Variants in BRWD1 observed in about 807,000 individuals in gnomAD.
BRWD1 encodes the protein bromodomain and WD repeat-containing protein 1.
BRWD1 carries 82 observed loss-of-function variants against 251.2 expected under a neutral mutation model. That is an observed-to-expected ratio of 0.33 (90% confidence interval 0.27 to 0.39). BRWD1 has a LOEUF of 0.39. Among genes scored for constraint, BRWD1 ranks in the 10% least tolerant of loss-of-function variants. BRWD1 has a pLI of 1.00. For synonymous variants in BRWD1, 918 were observed against 902.8 expected (o/e 1.02, Z -0.30); for missense variants, 2,233 against 2,711.6 (o/e 0.82, Z 3.92).
intron 25 of BRWD1, among the ~76,000 whole-genome samples, chr21:39,229,684 G>A (rs574894991): frequency 1.4e-4 from 21 of 152,142 alleles, no homozygotes; most frequent in African/African-American, 4.1e-4. Flanking sequence ...CACAAATCTC[G>A]GATTAGCGCA....
intron 8 of BRWD1, among the ~76,000 whole-genome samples, chr21:39,291,016 G>A (rs1358207576): frequency 1.3e-5 from 2 of 152,216 alleles, no homozygotes; most frequent in East Asian, 3.9e-4. Flanking sequence ...TGTGGCCCTA[G>A]CTACTCGAGA....
intron 4 of BRWD1, 62 bp downstream of exon 4, chr21:39,312,779 A>C (rs2036536462): frequency 1.4e-6 from 2 of 1,385,150 alleles, no homozygotes; most frequent in East Asian, 2.6e-5. Context: ...CCGCGAGGGG[A>C]AGGGGCGGGG....
chr21:39,241,609 C>T (rs1403135530), intron 21 of BRWD1, among the ~76,000 whole-genome samples: 1 of 148,292 alleles, frequency 6.7e-6, no homozygotes, highest in Non-Finnish European at 1.5e-5. Context: ...AATGTGAAGT[C>T]GTGCATAACA....
rs973565479 is a variant in BRWD1 at position 39,271,768 on chromosome 21, T to C, written c.1245-1335A>G. ...TTTAATTAACAAAGGCTGGGCATGGTAGCTCACACCTATAATCCCAGCACT... is the reference window on the plus strand; with the variant it reads ...TTTAATTAACAAAGGCTGGGCATGGCAGCTCACACCTATAATCCCAGCACT... On this transcript the variant is annotated intron_variant, in intron 13 of 40. Coordinates refer to ENST00000342449, the MANE Select transcript of BRWD1 (RefSeq NM_033656.4). Among the ~76,000 whole-genome samples the C allele has an allele frequency of 2.7e-5, 4 of 149,184 alleles. No individual in the cohort carries two copies. The East Asian group carries it at 7.9e-4, about 30-fold the overall frequency.
At chr21:39,307,428 AATGT>A (rs1180920684) in intron 4 of BRWD1, among the ~76,000 whole-genome samples, 7 of 152,152 alleles carry the variant, frequency 4.6e-5, no homozygotes, top group Non-Finnish European at 1.0e-4. Context: ...TATGAATATC[AATGT>A]ATTATATGTA....
chr21:39,202,292 A>T, intron 38 of BRWD1, 33 bp downstream of exon 38: 1 of 1,540,526 alleles, frequency 6.5e-7, no homozygotes, highest in Non-Finnish European at 8.9e-7. Flanking sequence ...TTGGGTGCTC[A>T]GCAAAGAAAT....
chr21:39,233,259 A>C (rs2033687810), intron 23 of BRWD1, among the ~76,000 whole-genome samples: 1 of 152,192 alleles, frequency 6.6e-6, no homozygotes. Flanking sequence ...CCCAGTCAAC[A>C]TGTTGTAACC....
chr21:39,193,951 T>A lies in BRWD1; in HGVS notation c.*2308A>T, dbSNP rs2031684119. 13 of 985,442 alleles carry A rather than the reference T, an allele frequency of 1.3e-5. No homozygotes were observed. The Admixed American group carries it at 7.4e-4, about 56-fold the overall frequency. The allele number at this position is 985,442 out of a possible 1,614,324, so 61.0% of individuals were successfully genotyped here. On this transcript the variant is annotated 3_prime_UTR_variant, in exon 41 of 41. Coordinates refer to ENST00000342449, the MANE Select transcript of BRWD1 (RefSeq NM_033656.4). ...AAAAAAACCCATAAAAATTATTTTC[T>A]CCATTATCTCTCAGTTTTATTTCAT...
intron 7 of BRWD1, among the ~76,000 whole-genome samples, chr21:39,295,287 C>T (rs13049729): frequency 2.0e-5 from 3 of 149,506 alleles, no homozygotes; most frequent in Admixed American, 6.7e-5. Context: ...CCCAGGTTCA[C>T]GCCATTCTCC....
intron 4 of BRWD1, among the ~76,000 whole-genome samples, chr21:39,302,339 C>T (rs1312254477): frequency 1.3e-5 from 2 of 152,032 alleles, no homozygotes; most frequent in East Asian, 3.9e-4. Flanking sequence ...GAAAAATTAC[C>T]ACAAATAGGT....
At chr21:39,241,345 G>T (rs896709742) in intron 21 of BRWD1, among the ~76,000 whole-genome samples, 1 of 150,782 alleles carries the variant, frequency 6.6e-6, no homozygotes, top group Non-Finnish European at 1.5e-5. Context: ...ATGCATGCCT[G>T]TAATCCCTGC....
chr21:39,200,222 T>C lies in BRWD1; in HGVS notation c.4750A>G (p.Thr1584Ala), dbSNP rs1477612324. ...AAAGTACTACTGAGTCTCTTACCAG[T>C]TTTTCTTTGAGCAGCTCTAGTTCTG... is the stretch of plus-strand genomic sequence containing the variant. Reference protein sequence around the residue: ...VTRTRAAQRKTGPVSLANGCG... With the variant: ...VTRTRAAQRKAGPVSLANGCG... Residue 1584 changes from threonine (T) to alanine (A), a missense_variant, in exon 39 of 41, where the codon ACT becomes GCT. Physicochemically the swap from Thr to Ala is moderately conservative, Grantham distance 58. Around this residue, in one of 12 missense-constraint regions of BRWD1, gnomAD observed 928 missense variants for 970.0 expected, o/e 0.96. Coordinates refer to ENST00000342449, the MANE Select transcript of BRWD1 (RefSeq NM_033656.4). 5.6e-6 allele frequency: 9 copies of C among 1,601,320 alleles called. No individual in the cohort carries two copies. The highest frequency in any genetic ancestry group is 7.6e-6 in the Non-Finnish European group (9 of 1,176,596).
intron 1 of BRWD1, among the ~76,000 whole-genome samples, chr21:39,320,453 G>A (rs2036736279): frequency 6.6e-6 from 1 of 151,910 alleles, no homozygotes; most frequent in African/African-American, 2.4e-5. Context: ...TCCCACCTCT[G>A]CCTCCCAGGT....
chr21:39,312,165 T>G lies in BRWD1; in HGVS notation c.198+676A>C, dbSNP rs533484018. On this transcript the variant is annotated intron_variant, in intron 4 of 40. Coordinates refer to ENST00000342449, the MANE Select transcript of BRWD1 (RefSeq NM_033656.4). ...ACCAAGTTCACAAAAGAAATGAGAC[T>G]GTAATGCAAGATTAACCGAGCTCAA... is the stretch of plus-strand genomic sequence containing the variant. Among the ~76,000 whole-genome samples, 7 of 152,328 alleles carry G rather than the reference T, an allele frequency of 4.6e-5. No individual in the cohort carries two copies. In the South Asian group the frequency reaches 1.2e-3, roughly 27 times the overall value.
chr21:39,278,784 G>A lies in BRWD1; in HGVS notation c.962C>T (p.Pro321Leu), dbSNP rs2035358206. 1 of 1,595,392 alleles carries A rather than the reference G, an allele frequency of 6.3e-7. No individual in the cohort carries two copies. Among genetic ancestry groups the A allele is most frequent in the East Asian group, 2.2e-5 (1 of 44,558 alleles). Reference sequence around the variant, plus strand: ...ACAAAGCATTTGAACGCCTGGCCTAGGCTTTTCAGTGAACTTCAGGGGACG... The same window carrying A: ...ACAAAGCATTTGAACGCCTGGCCTAAGCTTTTCAGTGAACTTCAGGGGACG... ...SPRPLKFTEK[P>L]RPGVQMLCSS... The change falls in exon 10 of 41, where the codon CCT (proline) becomes CTT (leucine). Residue 321 changes from proline to leucine, a missense_variant. Pro to Leu is a moderately conservative substitution (Grantham distance 98). Around this residue, in one of 12 missense-constraint regions of BRWD1, gnomAD observed 315 missense variants for 421.8 expected, o/e 0.75. Transcript: ENST00000342449.
chr21:39,273,566 A>G (rs945671253), intron 13 of BRWD1, among the ~76,000 whole-genome samples: 1 of 152,176 alleles, frequency 6.6e-6, no homozygotes, highest in Non-Finnish European at 1.5e-5. Flanking sequence ...AAAAGTCTTT[A>G]CAAAAAATAA....
At chr21:39,295,117 T>C (rs114828752) in intron 7 of BRWD1, among the ~76,000 whole-genome samples, 2,272 of 150,708 alleles carry the variant, frequency 0.015, 60 homozygotes, top group African/African-American at 0.052. Flanking sequence ...TTAATTACAA[T>C]GTAATCTAAT....
In BRWD1 at chr21:39,187,109, C is replaced by T; in HGVS notation, c.*9150G>A. The T allele has an allele frequency of 6.2e-7, 1 of 1,605,666 alleles. No individual in the cohort carries two copies. Among genetic ancestry groups the T allele is most frequent in the Non-Finnish European group, 8.5e-7 (1 of 1,177,932 alleles). Reference sequence around the variant, plus strand: ...ATATCTTCTAGCTCTTTTTCACTTTCAGAATTTATGGTTGTATCATCCTCT... The same window carrying T: ...ATATCTTCTAGCTCTTTTTCACTTTTAGAATTTATGGTTGTATCATCCTCT... On this transcript the variant is annotated 3_prime_UTR_variant, in exon 41 of 41. Coordinates refer to ENST00000342449, the MANE Select transcript of BRWD1 (RefSeq NM_033656.4).
intron 34 of BRWD1, 48 bp from the exon 35 acceptor site, chr21:39,210,977 G>C: frequency 6.5e-7 from 1 of 1,549,714 alleles, no homozygotes; most frequent in Non-Finnish European, 8.7e-7. Context: ...ATTGGTGTAA[G>C]ACTGTGGTAA....
Sources: allele counts gnomAD v4.1 joint callset (sites outside exome capture counted in the v4.1 genomes callset), GRCh38; gene constraint gnomAD v4.1.1; regional missense constraint gnomAD v4.1.1; transcripts MANE v1.5; gene names NCBI Gene and HGNC (gene_info 2026-07-23, HGNC 2026-07-21).